The following PPARG variants were observed in gnomAD, a reference collection of about 807,000 sequenced individuals.
PPARG encodes the protein peroxisome proliferator-activated receptor gamma.
Under a neutral mutation model 39.2 loss-of-function variants are expected in PPARG, and 17 were observed. The observed-to-expected ratio is 0.43, with a 90% CI of 0.30 to 0.65. PPARG has a LOEUF of 0.65. PPARG is among the 30% of genes least tolerant of loss of function. PPARG has a pLI of 0.13. For synonymous variants in PPARG, 223 were observed against 215.7 expected (o/e 1.03, Z -0.30); for missense variants, 406 against 585.9 (o/e 0.69, Z 3.17).
intron 1 of PPARG, among the ~76,000 whole-genome samples, chr3:12,294,507 G>T (rs1481304744): frequency 1.3e-5 from 2 of 152,180 alleles, no homozygotes; most frequent in African/African-American, 4.8e-5. Flanking sequence ...CTAATAGATT[G>T]AAATGAGAGG....
At chr3:12,415,745 T>C (rs1239238701) in intron 6 of PPARG, among the ~76,000 whole-genome samples, 1 of 152,150 alleles carries the variant, frequency 6.6e-6, no homozygotes, top group Non-Finnish European at 1.5e-5. Flanking sequence ...ATAGATGGCT[T>C]CCAGAGCATT....
intron 5 of PPARG, among the ~76,000 whole-genome samples, chr3:12,396,043 A>T (rs1454900434): frequency 1.5e-4 from 23 of 152,236 alleles, no homozygotes; most frequent in African/African-American, 5.1e-4. Context: ...AGATTTTCAA[A>T]GTAGTCATTT....
chr3:12,405,462 G>A (rs1173907710), intron 5 of PPARG, among the ~76,000 whole-genome samples: 14 of 152,178 alleles, frequency 9.2e-5, no homozygotes, highest in Admixed American at 5.9e-4. Flanking sequence ...GCACAGTTTC[G>A]TATTTTAATT....
At chr3:12,314,345 C>G (rs2047332044) in intron 2 of PPARG, among the ~76,000 whole-genome samples, 1 of 151,850 alleles carries the variant, frequency 6.6e-6, no homozygotes, top group African/African-American at 2.4e-5. Context: ...TTTGCATAAC[C>G]TCAAAGTATC....
At chr3:12,380,541 AT>A (rs2049609252) in intron 3 of PPARG, among the ~76,000 whole-genome samples, 1 of 152,170 alleles carries the variant, frequency 6.6e-6, no homozygotes, top group Admixed American at 6.6e-5. Flanking sequence ...TATTTCCTTG[AT>A]TTTTATCATG....
At chr3:12,328,208 C>T (rs1355783868) in intron 2 of PPARG, 2 of 1,489,864 alleles carry the variant, frequency 1.3e-6, no homozygotes, top group African/African-American at 1.4e-5. Flanking sequence ...AAAAGTCCTA[C>T]CTGGAGCGGA....
chr3:12,312,938 C>T (rs2047289259), intron 2 of PPARG, among the ~76,000 whole-genome samples: 1 of 152,162 alleles, frequency 6.6e-6, no homozygotes. Context: ...GGCATTAAAA[C>T]TACTTCCTTC....
chr3:12,377,154 A>G (rs975445197), intron 2 of PPARG, among the ~76,000 whole-genome samples: 1 of 152,186 alleles, frequency 6.6e-6, no homozygotes, highest in African/African-American at 2.4e-5. Flanking sequence ...ACTTACTGTG[A>G]CAATAAATCA....
At chr3:12,356,389 C>T (rs2048667168) in intron 2 of PPARG, among the ~76,000 whole-genome samples, 1 of 152,156 alleles carries the variant, frequency 6.6e-6, no homozygotes, top group Non-Finnish European at 1.5e-5. Flanking sequence ...GTGTTTTAAA[C>T]CGTGTAATTT....
chr3:12,362,292 G>A (rs2048871198), intron 2 of PPARG, among the ~76,000 whole-genome samples: 1 of 152,028 alleles, frequency 6.6e-6, no homozygotes, highest in Admixed American at 6.6e-5. Flanking sequence ...TGAGGTGGGT[G>A]GATCACTTTG....
chr3:12,299,316 A>T (rs901845517), intron 1 of PPARG, among the ~76,000 whole-genome samples: 1 of 152,140 alleles, frequency 6.6e-6, no homozygotes, highest in Non-Finnish European at 1.5e-5. Flanking sequence ...GACGGTGACT[A>T]AGAGGGGGTG....
chr3:12,311,244 C>CA (rs1245368284), intron 1 of PPARG, among the ~76,000 whole-genome samples: 2 of 152,222 alleles, frequency 1.3e-5, no homozygotes, highest in South Asian at 2.1e-4. Context: ...GCTGGGACTA[C>CA]AGGCACATGC....
At chr3:12,373,721 C>T (rs2049304132) in intron 2 of PPARG, among the ~76,000 whole-genome samples, 1 of 152,028 alleles carries the variant, frequency 6.6e-6, no homozygotes, top group African/African-American at 2.4e-5. Flanking sequence ...AAGATGCTGT[C>T]CTTTTACTCC....
chr3:12,290,415 G>T (rs1184296570), intron 1 of PPARG, among the ~76,000 whole-genome samples: 1 of 151,816 alleles, frequency 6.6e-6, no homozygotes, highest in African/African-American at 2.4e-5. Context: ...GAACTTAAGT[G>T]CTTTGAAAAT....
chr3:12,356,433 A>G (rs2048668758), intron 2 of PPARG, among the ~76,000 whole-genome samples: 2 of 152,226 alleles, frequency 1.3e-5, no homozygotes, highest in Non-Finnish European at 2.9e-5. Context: ...CACAAGATCG[A>G]GGTTCCCACA....
At chr3:12,364,204 A>G (rs534481202) in intron 2 of PPARG, among the ~76,000 whole-genome samples, 1 of 152,274 alleles carries the variant, frequency 6.6e-6, no homozygotes, top group East Asian at 1.9e-4. Context: ...TCTGGGATCC[A>G]CCTGTTCATT....
intron 4 of PPARG, among the ~76,000 whole-genome samples, chr3:12,388,445 G>A (rs1292102649): frequency 2.0e-5 from 3 of 152,206 alleles, no homozygotes; most frequent in Admixed American, 6.5e-5. Context: ...GCAGATGGCT[G>A]TAGCAGTTTT....
chr3:12,425,365 G>A (rs1409011840), intron 7 of PPARG, among the ~76,000 whole-genome samples: 2 of 152,180 alleles, frequency 1.3e-5, no homozygotes, highest in African/African-American at 4.8e-5. Context: ...GGACAGCGGG[G>A]GAGTGGAGTG....
chr3:12,310,494 C>T (rs1293214165), intron 1 of PPARG, among the ~76,000 whole-genome samples: 1 of 62,422 alleles, frequency 1.6e-5, no homozygotes, highest in East Asian at 7.4e-4. Context: ...GACAGAGTCT[C>T]GCTCTGTCGC....
Sources: gnomAD v4.1 joint callset for allele counts (sites outside exome capture counted in the v4.1 genomes callset) on GRCh38, gnomAD v4.1.1 for gene constraint, MANE v1.5 for transcripts, NCBI Gene and HGNC (gene_info 2026-07-23, HGNC 2026-07-21) for gene names.